The following CASQ2 variants were observed in gnomAD, a reference collection of about 807,000 sequenced individuals.
CASQ2 encodes the protein calsequestrin 2.
A neutral mutation model predicts 46.5 loss-of-function variants in CASQ2; 49 were observed. The ratio of observed to expected loss-of-function variants is 1.05; its 90% CI spans 0.84 to 1.34. The LOEUF is 1.34. CASQ2 is among the 40% of genes most tolerant of loss of function. The pLI is 0.00. For synonymous variants in CASQ2, 174 were observed against 168.5 expected (o/e 1.03, Z -0.25); for missense variants, 486 against 481.3 (o/e 1.01, Z -0.09).
chr1:115,748,760 C>T (rs1648473726), intron 1 of CASQ2, among the ~76,000 whole-genome samples: 1 of 152,070 alleles, frequency 6.6e-6, no homozygotes. Flanking sequence ...CTATTTAGTG[C>T]TGTCAAAATC....
At position 115,740,851 on chromosome 1, in the gene CASQ2, C is replaced by A. The variant is rs745550660; in HGVS notation, c.320-23G>T. On this transcript the variant is annotated intron_variant, in intron 2 of 10. Transcript: ENST00000261448. ...AACCTGTAAGAAACAAAGAGGCCCA[C>A]AGAGAAGGTCATCCTGACGTAGGAA... is the stretch of plus-strand genomic sequence containing the variant. 3 of 1,477,922 alleles carry A rather than the reference C, an allele frequency of 2.0e-6. No homozygotes were observed. The East Asian group carries it at 6.8e-5, about 33-fold the overall frequency. The allele number at this position is 1,477,922 out of a possible 1,614,324, so 91.6% of individuals were successfully genotyped here. A position where few individuals can be genotyped will look rare whatever the true frequency, so the allele number is the denominator to read the frequency against.
At chr1:115,710,870 C>T (rs954743520) in intron 8 of CASQ2, among the ~76,000 whole-genome samples, 1 of 152,326 alleles carries the variant, frequency 6.6e-6, no homozygotes, top group African/African-American at 2.4e-5. Context: ...AAGCGACTGG[C>T]CTCTGGGAAT....
chr1:115,742,212 AT>A (rs575513307), intron 2 of CASQ2, among the ~76,000 whole-genome samples: 87 of 151,266 alleles, frequency 5.8e-4, no homozygotes, highest in African/African-American at 2.0e-3. Context: ...AAAATTATAT[AT>A]TTTTTATATA....
rs532799476 is a variant in CASQ2, at chr1:115,738,770, C to G, written c.421-435G>C. On this transcript the variant is annotated intron_variant, in intron 3 of 10. Transcript: ENST00000261448. ...TTTAGTGATTTTGAAATATGTAATACATATTATTCACTATATTCACCATGC... is the reference window on the plus strand; with the variant it reads ...TTTAGTGATTTTGAAATATGTAATAGATATTATTCACTATATTCACCATGC... Among the ~76,000 whole-genome samples the G allele has an allele frequency of 2.6e-5, 4 of 152,144 alleles. No individual in the cohort carries two copies. The South Asian group carries it at 8.3e-4, about 32-fold the overall frequency.
At chr1:115,757,128 C>T (rs905348321) in intron 1 of CASQ2, among the ~76,000 whole-genome samples, 5 of 152,050 alleles carry the variant, frequency 3.3e-5, no homozygotes, top group African/African-American at 4.8e-5. Flanking sequence ...TTTTCCAGTT[C>T]GTGAAACCTT....
intron 8 of CASQ2, among the ~76,000 whole-genome samples, chr1:115,709,616 C>T (rs968248131): frequency 4.6e-5 from 7 of 152,132 alleles, no homozygotes; most frequent in African/African-American, 1.4e-4. Flanking sequence ...AAGAGACCCC[C>T]GCAACCCAGA....
Position 115,739,956 on chromosome 1 carries a change from G to A in CASQ2, c.420+772C>T, listed in dbSNP as rs113961854. On this transcript the variant is annotated intron_variant, in intron 3 of 10. Coordinates refer to ENST00000261448, the MANE Select transcript of CASQ2 (RefSeq NM_001232.4). ...CATGTGGGTGTGAGTCAATGAGATG[G>A]CCAAGCACAGTGCGTCATGAGATGG... Among the ~76,000 whole-genome samples the A allele has an allele frequency of 8.5e-5, 13 of 152,298 alleles. 2 individuals are homozygous for A. Among genetic ancestry groups the A allele is most frequent in the African/African-American group, 2.9e-4 (12 of 41,572 alleles).
intron 1 of CASQ2, among the ~76,000 whole-genome samples, chr1:115,755,443 C>A (rs4075008): frequency 0.31 from 46,982 of 152,046 alleles, 7,482 homozygotes; most frequent in East Asian, 0.43. Flanking sequence ...GAGGTTGGTA[C>A]ACCTCATTTT....
At chr1:115,746,975 C>A (rs1039295322) in intron 1 of CASQ2, among the ~76,000 whole-genome samples, 1 of 152,094 alleles carries the variant, frequency 6.6e-6, no homozygotes, top group African/African-American at 2.4e-5. Context: ...TTTCACAGAA[C>A]AAAAATTGTC....
intron 2 of CASQ2, among the ~76,000 whole-genome samples, chr1:115,743,398 C>A (rs149186336): frequency 3.3e-5 from 5 of 152,184 alleles, no homozygotes; most frequent in Admixed American, 3.3e-4. Context: ...CACATGCCAC[C>A]ATGCCCAGCT....
intron 1 of CASQ2, among the ~76,000 whole-genome samples, chr1:115,767,401 T>C (rs1344714546): frequency 1.3e-5 from 2 of 152,164 alleles, no homozygotes; most frequent in African/African-American, 4.8e-5. Context: ...TATATGATAA[T>C]CCTATTAAAC....
intron 3 of CASQ2, 121 bp downstream of exon 3, chr1:115,740,607 C>T: frequency 1.4e-6 from 1 of 702,964 alleles, no homozygotes; most frequent in African/African-American, 1.8e-5. Flanking sequence ...TTTTGTGAAT[C>T]CTGAAAAACC....
At chr1:115,735,177 C>T (rs528700199) in intron 4 of CASQ2, among the ~76,000 whole-genome samples, 10 of 152,140 alleles carry the variant, frequency 6.6e-5, no homozygotes, top group Non-Finnish European at 1.2e-4. Context: ...TAAAGGTTTG[C>T]CTGTGAATCT....
Position 115,725,573 on chromosome 1 carries a change from A to G in CASQ2, c.738-20T>C, listed in dbSNP as rs770233719. On this transcript the variant is annotated intron_variant, in intron 6 of 10. Coordinates refer to ENST00000261448, the MANE Select transcript of CASQ2 (RefSeq NM_001232.4). The stretch of plus-strand genomic sequence containing the variant: ...GTGGGTCTGGAAAAAAAAAAAAAAA[A>G]AAAAAAAGAAAGAGCTTCCTTGAGT... The G allele has an allele frequency of 2.0e-5, 32 of 1,602,468 alleles. No individual in the cohort carries two copies. The highest frequency in any genetic ancestry group is 1.8e-4 in the African/African-American group (13 of 73,618).
At chr1:115,743,193 TTTTGTTTATTTA>T (rs140553189) in intron 2 of CASQ2, among the ~76,000 whole-genome samples, 104,556 of 146,828 alleles carry the variant, frequency 0.71, 40,753 homozygotes, top group Non-Finnish European at 0.87. Context: ...CATTCTTTAT[TTTTGTTTATTTA>T]TTTATTTATT....
intron 5 of CASQ2, among the ~76,000 whole-genome samples, chr1:115,729,610 AAAGAT>A (rs371539198): frequency 3.3e-5 from 5 of 152,374 alleles, no homozygotes; most frequent in African/African-American, 1.2e-4. Context: ...AGATTTCAAC[AAAGAT>A]AAGAAAACTA....
intron 8 of CASQ2, among the ~76,000 whole-genome samples, chr1:115,716,866 G>A (rs542254402): frequency 6.6e-6 from 1 of 152,148 alleles, no homozygotes; most frequent in Non-Finnish European, 1.5e-5. Flanking sequence ...GACATGGTGA[G>A]ATTAAAAGTG....
At chr1:115,710,841 C>T (rs1190183368) in intron 8 of CASQ2, among the ~76,000 whole-genome samples, 1 of 152,186 alleles carries the variant, frequency 6.6e-6, no homozygotes, top group African/African-American at 2.4e-5. Flanking sequence ...GCACGTTGAA[C>T]CAGGAGGTTT....
At chr1:115,726,167 G>A (rs1437820400) in intron 6 of CASQ2, among the ~76,000 whole-genome samples, 2 of 152,190 alleles carry the variant, frequency 1.3e-5, no homozygotes, top group Non-Finnish European at 2.9e-5. Flanking sequence ...CAGTACTGCA[G>A]GTCCAATGAA....
Sources: gnomAD v4.1 joint callset for allele counts (sites outside exome capture counted in the v4.1 genomes callset) on GRCh38, gnomAD v4.1.1 for gene constraint, MANE v1.5 for transcripts, NCBI Gene and HGNC (gene_info 2026-07-23, HGNC 2026-07-21) for gene names.